Variants in CIITA observed in about 807,000 individuals in gnomAD.
CIITA encodes the protein MHC class II transactivator.
A neutral mutation model predicts 115.1 loss-of-function variants in CIITA; 72 were observed. That is an observed-to-expected ratio of 0.63 (90% CI 0.52 to 0.76). The LOEUF is 0.76. Among genes scored for constraint, CIITA ranks in the 30% least tolerant of loss-of-function variants. The pLI, the probability that CIITA is intolerant of heterozygous loss-of-function variation, is 0.00. For missense variants in CIITA, 1,617 were observed against 1,463.8 expected, an observed-to-expected ratio of 1.10 and a Z score of -1.71; for synonymous variants, 763 against 635.6, an observed-to-expected ratio of 1.20 and a Z score of -3.02.
chr16:10,935,391 C>T lies in CIITA; in HGVS notation c.*11536C>T, dbSNP rs1596655969. ...GTTAATCTCTTTTTAACAAAGAATA[C>T]AGGCCAAGGCCCTGTGACTTTAGCT... On this transcript the variant is annotated 3_prime_UTR_variant, in exon 20 of 20. Transcript: ENST00000324288. 2 of 152,184 alleles carry T rather than the reference C, an allele frequency of 1.3e-5. No individual in the cohort carries two copies. Among genetic ancestry groups the T allele is most frequent in the African/African-American group, 4.8e-5 (2 of 41,458 alleles). The allele number at this position is 152,184 out of a possible 1,614,324, so 9.4% of individuals were successfully genotyped here.
downstream of CIITA, chr16:10,936,872 G>T (rs1279202237): frequency 1.3e-5 from 2 of 152,180 alleles, no homozygotes; most frequent in African/African-American, 2.4e-5. Context: ...GTGATCTTAG[G>T]TTTCCCAAAA....
intron 3 of CIITA, among the ~76,000 whole-genome samples, chr16:10,896,735 C>G (rs2038168420): frequency 6.6e-6 from 1 of 152,238 alleles, no homozygotes; most frequent in South Asian, 2.1e-4. Context: ...CTGCAAAACT[C>G]TTCTTAGTGG....
At chr16:10,914,668 A>G (rs1002237411) in intron 13 of CIITA, among the ~76,000 whole-genome samples, 5 of 152,138 alleles carry the variant, frequency 3.3e-5, no homozygotes, top group African/African-American at 1.2e-4. Flanking sequence ...ATGTTGATCC[A>G]GGCTGTGTGA....
chr16:10,870,169 CAAAAAAAAAAAAAAAAA>C (rs34256366), intron 1 of CIITA, among the ~76,000 whole-genome samples: 3 of 46,246 alleles, frequency 6.5e-5, no homozygotes, highest in African/African-American at 2.4e-4. Context: ...GTACTTCCTG[CAAAAAAAAAAAAAAAAA>C]AAAAAAAAAA....
At position 10,906,750 on chromosome 16, in the gene CIITA, G is replaced by A; in HGVS notation, c.1258G>A (p.Gly420Ser). ...PRETRVIAVL[G>S]KAGQGKSYWA... ...TGAGACACGAGTGATTGCTGTGCTG[G>A]GCAAAGCTGGTCAGGGCAAGAGCTA... The change falls in exon 11 of 20, where the codon GGC becomes AGC. Residue 420 changes from glycine to serine, a missense_variant. Gly to Ser is a moderately conservative substitution (Grantham distance 56). Coordinates refer to ENST00000324288, the MANE Select transcript of CIITA (RefSeq NM_000246.4). The A allele has an allele frequency of 6.2e-7, 1 of 1,610,900 alleles. No homozygotes were observed. Among genetic ancestry groups the A allele is most frequent in the Non-Finnish European group, 8.5e-7 (1 of 1,179,734 alleles).
In CIITA at chr16:10,923,104, G is replaced by C. The variant is rs1436098547; in HGVS notation, c.3318-124G>C. The C allele has an allele frequency of 1.2e-6, 1 of 836,852 alleles. No homozygotes were observed. The highest frequency in any genetic ancestry group is 1.7e-5 in the African/African-American group (1 of 60,448). 51.8% of individuals were successfully genotyped at this position (836,852 alleles called of 1,614,324 possible). On this transcript the variant is annotated intron_variant, in intron 18 of 19. Transcript: ENST00000324288. The surrounding 1 kb of genome is among the most constrained non-coding windows in gnomAD (Gnocchi z 5.2). Reference sequence around the variant, plus strand: ...CATGACCCACACCGGTCGGTATCTTGCCAGGGGAAAAGTCCCCAACGTTCT... The same window carrying C: ...CATGACCCACACCGGTCGGTATCTTCCCAGGGGAAAAGTCCCCAACGTTCT...
At position 10,923,237 on chromosome 16, in the gene CIITA, G is replaced by C. The variant is rs776446459; in HGVS notation, c.3327G>C (p.Thr1109=). ...CPHVETLAMW[T]PTIPFSVQEH... is the part of the protein sequence containing the mutation. ...CCATCCCCCCTTGCAGGATGTGGAC[G>C]CCCACCATCCCATTCAGTGTCCAGG... Residue 1109 remains threonine (T), a synonymous_variant, in exon 19 of 20, where the codon ACG becomes ACC. Transcript: ENST00000324288. The surrounding 1 kb of genome is among the most constrained non-coding windows in gnomAD (Gnocchi z 5.2). 1.2e-5 allele frequency: 20 copies of C among 1,612,628 alleles called. No individual in the cohort carries two copies. Among genetic ancestry groups the C allele is most frequent in the Non-Finnish European group, 1.7e-5 (20 of 1,179,708 alleles).
At position 10,923,279 on chromosome 16, in the gene CIITA, G is replaced by C. The variant is rs767229366; in HGVS notation, c.3369G>C (p.Gln1123His). Residue 1123 changes from glutamine (Q) to histidine (H), a missense_variant, in exon 19 of 20, where the codon CAG becomes CAC. Gln to His is a conservative substitution (Grantham distance 24, BLOSUM62 0). Coordinates refer to ENST00000324288, the MANE Select transcript of CIITA (RefSeq NM_000246.4). This position sits in a 1 kb window ranked among gnomAD's most constrained non-coding sequence, Gnocchi z 5.2. ...GTGTCCAGGAACACCTGCAACAACA[G>C]GATTCACGGATCAGCCTGAGATGAT... ...PFSVQEHLQQ[Q>H]DSRISLR 1 of 1,613,702 alleles carries C rather than the reference G, an allele frequency of 6.2e-7. No homozygotes were observed. The highest frequency in any genetic ancestry group is 2.2e-5 in the East Asian group (1 of 44,878).
At position 10,879,447 on chromosome 16, in the gene CIITA, C is replaced by G. The variant is rs1037340529; in HGVS notation, c.52+2065C>G. Among the ~76,000 whole-genome samples the G allele has an allele frequency of 2.0e-5, 3 of 152,218 alleles. No homozygotes were observed. The highest frequency in any genetic ancestry group is 4.4e-5 in the Non-Finnish European group (3 of 68,036). On this transcript the variant is annotated intron_variant, in intron 1 of 19. Coordinates refer to ENST00000324288, the MANE Select transcript of CIITA (RefSeq NM_000246.4). The surrounding 1 kb of genome is among the most constrained non-coding windows in gnomAD (Gnocchi z 4.3). ...ACGCCAGACTTTGGACCAGGGCCGCCGTTCCCTGAGCTTCACTTTCCCTGT... is the reference window on the plus strand; with the variant it reads ...ACGCCAGACTTTGGACCAGGGCCGCGGTTCCCTGAGCTTCACTTTCCCTGT...
In CIITA at chr16:10,901,442, C is replaced by T; in HGVS notation, c.437-72C>T. On this transcript the variant is annotated intron_variant, in intron 5 of 19. Coordinates refer to ENST00000324288, the MANE Select transcript of CIITA (RefSeq NM_000246.4). This position sits in a 1 kb window ranked among gnomAD's most constrained non-coding sequence, Gnocchi z 6.8. ...CTTGAAGTTAAGGCCGTATAGCCTG[C>T]TAGAGTCCTGAGCCCCTTCTGGCTT... is the stretch of plus-strand genomic sequence containing the variant. 1 of 1,540,448 alleles carries T rather than the reference C, an allele frequency of 6.5e-7. No homozygotes were observed. Among genetic ancestry groups the T allele is most frequent in the Middle Eastern group, 1.7e-4 (1 of 5,938 alleles).
In CIITA at chr16:10,889,201, A is replaced by G. The variant is rs75291311; in HGVS notation, c.53-6081A>G. Among the ~76,000 whole-genome samples the G allele has an allele frequency of 5.8e-4, 89 of 152,272 alleles. 3 individuals carry two copies. The East Asian group carries it at 0.017, about 29-fold the overall frequency. On this transcript the variant is annotated intron_variant, in intron 1 of 19. Coordinates refer to ENST00000324288, the MANE Select transcript of CIITA (RefSeq NM_000246.4). ...ATGATCAGGGCCATCTTTTCCCTCCATCCCGCTCTGGCAATGTGGTTTGGA... is the reference window on the plus strand; with the variant it reads ...ATGATCAGGGCCATCTTTTCCCTCCGTCCCGCTCTGGCAATGTGGTTTGGA...
Position 10,879,832 on chromosome 16 carries a change from AGCTTAGTCTGGAACTCT to A in CIITA, c.52+2451_52+2467del. On this transcript the variant is annotated intron_variant, in intron 1 of 19. Transcript: ENST00000324288. The surrounding 1 kb of genome is among the most constrained non-coding windows in gnomAD (Gnocchi z 4.3). ...AGCCGGAATCGGAGCCACCATGCTT[AGCTTAGTCTGGAACTCT>A]TAAAAGCCGCGGTCCTCCTGAGTCC... Among the ~76,000 whole-genome samples the A allele has an allele frequency of 6.6e-6, 1 of 152,136 alleles. No homozygotes were observed. The highest frequency in any genetic ancestry group is 1.9e-4 in the East Asian group (1 of 5,190).
chr16:10,889,381 T>C (rs2037307192), intron 1 of CIITA, among the ~76,000 whole-genome samples: 1 of 151,884 alleles, frequency 6.6e-6, no homozygotes, highest in African/African-American at 2.4e-5. Context: ...AAACCTAGAG[T>C]CTTGGGCCTG....
At chr16:10,895,254 G>A in intron 1 of CIITA, 28 bp from the exon 2 acceptor site, 2 of 1,612,992 alleles carry the variant, frequency 1.2e-6, no homozygotes, top group Non-Finnish European at 1.7e-6. Flanking sequence ...CACCCTGTGA[G>A]GTGACTGAGC....
At chr16:10,873,531 G>C (rs1192508504), upstream of CIITA, among the ~76,000 whole-genome samples, 3 of 152,190 alleles carry the variant, frequency 2.0e-5, no homozygotes, top group South Asian at 4.1e-4. Context: ...TAGACCAAAA[G>C]GGAGAAGGCA....
At chr16:10,878,133 C>G (rs1040492913) in intron 1 of CIITA, among the ~76,000 whole-genome samples, 1 of 152,114 alleles carries the variant, frequency 6.6e-6, no homozygotes, top group Admixed American at 6.5e-5. Flanking sequence ...TGGAATTGAG[C>G]TCATAGGAGC....
In CIITA at chr16:10,907,265, A is replaced by G. The variant is rs1185808942; in HGVS notation, c.1773A>G (p.Gln591=). The change falls in exon 11 of 20, where the codon CAA becomes CAG. Residue 591 remains glutamine (Q), a synonymous_variant. Transcript: ENST00000324288. The surrounding 1 kb of genome is among the most constrained non-coding windows in gnomAD (Gnocchi z 5.0). ...YFESSGMTEH[Q]DRALTLLRDR... ...AGAGCTCAGGGATGACAGAGCACCA[A>G]GACAGAGCCCTGACGCTCCTCCGGG... 5.0e-6 allele frequency: 8 copies of G among 1,613,370 alleles called. No individual in the cohort carries two copies. The highest frequency in any genetic ancestry group is 3.3e-5 in the South Asian group (3 of 91,072).
chr16:10,910,329 C>T, intron 13 of CIITA, 70 bp downstream of exon 13: 2 of 1,277,776 alleles, frequency 1.6e-6, no homozygotes, highest in South Asian at 1.2e-5. Context: ...TGGGCTTGTA[C>T]CACCTGAATG....
chr16:10,885,851 C>G (rs1010375450), intron 1 of CIITA, among the ~76,000 whole-genome samples: 1 of 152,122 alleles, frequency 6.6e-6, no homozygotes, highest in Non-Finnish European at 1.5e-5. Flanking sequence ...CATGAATCCT[C>G]CTTTGTTTCT....
Sources: gnomAD v4.1 joint callset for allele counts (sites outside exome capture counted in the v4.1 genomes callset) on GRCh38, gnomAD v4.1.1 for gene constraint, Gnocchi (gnomAD v3.1) non-coding constraint, MANE v1.5 for transcripts, NCBI Gene and HGNC (gene_info 2026-07-23, HGNC 2026-07-21) for gene names.